Variants in STRN3 observed in about 807,000 individuals in gnomAD.
STRN3 encodes the protein striatin 3, also known as striatin-3.
STRN3 carries 29 observed loss-of-function variants against 95.6 expected under a neutral mutation model. The observed-to-expected ratio is 0.30, with a 90% confidence interval of 0.23 to 0.41. The LOEUF is 0.41. Ranked by LOEUF, STRN3 falls within the 10% of genes least tolerant of loss-of-function variation. STRN3 has a pLI of 1.00. For synonymous variants in STRN3, 331 were observed against 357.6 expected (o/e 0.93, Z 0.84); for missense variants, 890 against 972.1 (o/e 0.92, Z 1.12).
intron 5 of STRN3, among the ~76,000 whole-genome samples, chr14:30,938,603 T>C (rs895054134): frequency 6.6e-5 from 10 of 152,000 alleles, no homozygotes; most frequent in Admixed American, 5.9e-4. Context: ...TGGAACACAA[T>C]GCATAAAAGA....
intron 5 of STRN3, among the ~76,000 whole-genome samples, chr14:30,945,247 G>T (rs542057302): frequency 2.0e-5 from 3 of 152,194 alleles, no homozygotes; most frequent in African/African-American, 7.2e-5. Flanking sequence ...CCTTGGAAAA[G>T]AGTTTGGCAG....
At chr14:30,989,485 G>C (rs1881848800) in intron 1 of STRN3, among the ~76,000 whole-genome samples, 1 of 152,072 alleles carries the variant, frequency 6.6e-6, no homozygotes, top group Non-Finnish European at 1.5e-5. Flanking sequence ...TTTTGAGATG[G>C]AGTCTGGCTC....
At chr14:31,000,623 G>C (rs1299745839) in intron 1 of STRN3, among the ~76,000 whole-genome samples, 3 of 152,110 alleles carry the variant, frequency 2.0e-5, no homozygotes, top group Non-Finnish European at 4.4e-5. Flanking sequence ...ATCTTCGGTA[G>C]TGAGGTTATC....
chr14:31,000,395 C>T (rs896345936), intron 1 of STRN3, among the ~76,000 whole-genome samples: 8 of 151,394 alleles, frequency 5.3e-5, no homozygotes, highest in Admixed American at 2.0e-4. Context: ...GGAAATAAAG[C>T]TTTATAGGAA....
intron 1 of STRN3, among the ~76,000 whole-genome samples, chr14:31,012,610 A>G (rs1883018230): frequency 1.3e-5 from 2 of 152,072 alleles, no homozygotes; most frequent in South Asian, 4.1e-4. Flanking sequence ...GTGAGGATGT[A>G]GGGTCAGGCG....
intron 1 of STRN3, among the ~76,000 whole-genome samples, chr14:31,022,749 A>C (rs1276022240): frequency 2.0e-5 from 3 of 152,088 alleles, no homozygotes; most frequent in Non-Finnish European, 4.4e-5. Context: ...TTCAAATCTC[A>C]GCTGCAATAC....
chr14:30,983,380 T>C (rs1566474191), intron 1 of STRN3, among the ~76,000 whole-genome samples: 1 of 152,052 alleles, frequency 6.6e-6, no homozygotes, highest in Non-Finnish European at 1.5e-5. Context: ...CCGTCTCTAC[T>C]AAAAATACAA....
intron 16 of STRN3, among the ~76,000 whole-genome samples, chr14:30,899,619 C>A (rs969469804): frequency 6.6e-6 from 1 of 152,132 alleles, no homozygotes; most frequent in Non-Finnish European, 1.5e-5. Context: ...AAAGTTTCCA[C>A]CACTGCACCT....
chr14:30,916,805 G>C (rs570978961), intron 9 of STRN3, among the ~76,000 whole-genome samples: 1 of 151,986 alleles, frequency 6.6e-6, no homozygotes, highest in South Asian at 2.1e-4. Flanking sequence ...CTAGTATAAC[G>C]GGTCTATAAA....
At position 30,894,184 on chromosome 14, in the gene STRN3, T is replaced by C. The variant is rs1343367955; in HGVS notation, c.*1227A>G. 1 of 152,450 alleles carries C rather than the reference T, an allele frequency of 6.6e-6. No individual in the cohort carries two copies. The highest frequency in any genetic ancestry group is 1.5e-5 in the Non-Finnish European group (1 of 68,016). 9.4% of individuals were successfully genotyped at this position (152,450 alleles called of 1,614,324 possible). On this transcript the variant is annotated 3_prime_UTR_variant, in exon 18 of 18. Coordinates refer to ENST00000357479, the MANE Select transcript of STRN3 (RefSeq NM_001083893.2). Reference sequence around the variant, plus strand: ...AGTCAAAACACAGCAGATTTCTGTATCCTGATTCAACTATTTTTGTATCCT... The same window carrying C: ...AGTCAAAACACAGCAGATTTCTGTACCCTGATTCAACTATTTTTGTATCCT...
intron 1 of STRN3, among the ~76,000 whole-genome samples, chr14:31,013,844 C>G (rs909228332): frequency 7.0e-5 from 10 of 142,978 alleles, no homozygotes; most frequent in Non-Finnish European, 1.5e-4. Context: ...ATCTTCCTGC[C>G]TTGGCTTCTC....
intron 1 of STRN3, among the ~76,000 whole-genome samples, chr14:30,978,867 T>C (rs1881243442): frequency 6.6e-6 from 1 of 151,840 alleles, no homozygotes; most frequent in Admixed American, 6.6e-5. Context: ...ACCCTGTCTC[T>C]ACTAAAAAAT....
chr14:30,949,118 G>C (rs17097601), intron 4 of STRN3, among the ~76,000 whole-genome samples: 17,565 of 152,200 alleles, frequency 0.12, 1,189 homozygotes, highest in African/African-American at 0.17. Context: ...TCCAGTCTGA[G>C]AGGGCCTCCA....
At chr14:30,963,329 C>A (rs1023927862) in intron 1 of STRN3, among the ~76,000 whole-genome samples, 1 of 152,090 alleles carries the variant, frequency 6.6e-6, no homozygotes, top group African/African-American at 2.4e-5. Context: ...CTTTACCCAA[C>A]AAAAAAATAC....
intron 1 of STRN3, among the ~76,000 whole-genome samples, chr14:31,002,157 A>AT (rs1178024249): frequency 2.4e-5 from 2 of 85,024 alleles, no homozygotes; most frequent in Non-Finnish European, 4.5e-5. Context: ...CAAGAGTGAA[A>AT]TTCCATCTCA....
intron 1 of STRN3, among the ~76,000 whole-genome samples, chr14:30,971,852 G>A (rs1168086858): frequency 6.6e-6 from 1 of 152,030 alleles, no homozygotes; most frequent in East Asian, 1.9e-4. Context: ...TATTCTTGTC[G>A]GGTGCTGTGT....
chr14:31,013,360 G>C (rs950478504), intron 1 of STRN3, among the ~76,000 whole-genome samples: 1 of 151,546 alleles, frequency 6.6e-6, no homozygotes, highest in African/African-American at 2.4e-5. Flanking sequence ...GCAAAAGAGT[G>C]AGACCCCCAT....
At chr14:30,994,561 A>C (rs1250871740) in intron 1 of STRN3, among the ~76,000 whole-genome samples, 2 of 152,222 alleles carry the variant, frequency 1.3e-5, no homozygotes, top group Non-Finnish European at 2.9e-5. Flanking sequence ...AACCAAATAA[A>C]CTAAAAACTA....
intron 5 of STRN3, among the ~76,000 whole-genome samples, chr14:30,940,530 C>G (rs879531254): frequency 2.3e-4 from 35 of 152,212 alleles, no homozygotes; most frequent in African/African-American, 7.0e-4. Context: ...TTTAATAATG[C>G]CTGATTCCTA....
Sources: gnomAD v4.1 joint callset for allele counts (sites outside exome capture counted in the v4.1 genomes callset) on GRCh38, gnomAD v4.1.1 for gene constraint, MANE v1.5 for transcripts, NCBI Gene and HGNC (gene_info 2026-07-23, HGNC 2026-07-21) for gene names.